SLC24A2: variants seen among roughly 807,000 people sequenced by gnomAD.
The protein encoded by SLC24A2 is solute carrier family 24 member 2.
In SLC24A2, 36 loss-of-function variants were observed where a neutral mutation model predicts 62.0. The ratio of observed to expected loss-of-function variants is 0.58; its 90% CI spans 0.44 to 0.77. The LOEUF is 0.77. Ranked by LOEUF, SLC24A2 falls within the 30% of genes least tolerant of loss-of-function variation. The pLI is 0.00. For missense variants in SLC24A2, 846 were observed against 817.9 expected, an observed-to-expected ratio of 1.03 and a Z score of -0.42; for synonymous variants, 358 against 294.0, an observed-to-expected ratio of 1.22 and a Z score of -2.23.
chr9:20,248,142 G>C, the SLC24A2 span, among the ~76,000 whole-genome samples: 1 of 152,164 alleles, frequency 6.6e-6, no homozygotes, highest in African/African-American at 2.4e-5. Context: ...TCTGATTCCT[G>C]AGTTGGAATG....
chr9:19,740,503 T>C (rs532124703), intron 2 of SLC24A2, among the ~76,000 whole-genome samples: 1 of 152,286 alleles, frequency 6.6e-6, no homozygotes, highest in South Asian at 2.1e-4. Flanking sequence ...AATCCACATA[T>C]GCAAAGTTCA....
the SLC24A2 span, among the ~76,000 whole-genome samples, chr9:20,219,921 A>C: frequency 1.3e-5 from 2 of 152,198 alleles, no homozygotes; most frequent in Non-Finnish European, 1.5e-5. Flanking sequence ...GCACTATACT[A>C]TACACAATTC....
chr9:20,055,924 A>T, the SLC24A2 span, among the ~76,000 whole-genome samples: 1 of 152,020 alleles, frequency 6.6e-6, no homozygotes, highest in Non-Finnish European at 1.5e-5. Context: ...ATAAATAGAC[A>T]TACCAGCTCC....
chr9:19,600,067 C>T (rs996508066), intron 4 of SLC24A2, among the ~76,000 whole-genome samples: 2 of 152,164 alleles, frequency 1.3e-5, no homozygotes, highest in Admixed American at 6.5e-5. Context: ...CAAGAGGCAG[C>T]TAGGATTGGA....
At chr9:20,167,753 C>A in the SLC24A2 span, among the ~76,000 whole-genome samples, 21 of 151,982 alleles carry the variant, frequency 1.4e-4, no homozygotes, top group African/African-American at 3.9e-4. Context: ...TGGGTCTCAC[C>A]TTTTCACTCA....
chr9:19,635,713 T>C (rs1818293944), intron 2 of SLC24A2, among the ~76,000 whole-genome samples: 1 of 152,222 alleles, frequency 6.6e-6, no homozygotes, highest in South Asian at 2.1e-4. Context: ...ATAGCCAGAG[T>C]TCCACCATTA....
intron 2 of SLC24A2, among the ~76,000 whole-genome samples, chr9:19,766,910 G>A (rs186819468): frequency 2.5e-3 from 382 of 152,250 alleles, no homozygotes; most frequent in Non-Finnish European, 4.2e-3. Flanking sequence ...CCTTCCCCCA[G>A]GTGCTCTGCC....
At chr9:19,889,190 T>C in the SLC24A2 span, among the ~76,000 whole-genome samples, 1 of 152,146 alleles carries the variant, frequency 6.6e-6, no homozygotes, top group Admixed American at 6.5e-5. Flanking sequence ...CCAACCTGGA[T>C]TTACACTGGG....
intron 2 of SLC24A2, among the ~76,000 whole-genome samples, chr9:19,664,344 G>GA (rs1439898461): frequency 6.6e-6 from 1 of 152,168 alleles, no homozygotes; most frequent in Non-Finnish European, 1.5e-5. Context: ...AATTTTTAAA[G>GA]AAAAAAGTCT....
chr9:19,562,332 T>C (rs1835445408), intron 7 of SLC24A2, among the ~76,000 whole-genome samples: 1 of 152,208 alleles, frequency 6.6e-6, no homozygotes, highest in Non-Finnish European at 1.5e-5. Flanking sequence ...AGAGTGGTAA[T>C]GGAGTTTTTT....
the SLC24A2 span, among the ~76,000 whole-genome samples, chr9:19,936,249 T>C: frequency 6.6e-6 from 1 of 152,298 alleles, no homozygotes; most frequent in Non-Finnish European, 1.5e-5. Context: ...CTTCTTGAAT[T>C]TGTGTTGTTA....
chr9:20,095,657 C>T, the SLC24A2 span, among the ~76,000 whole-genome samples: 4 of 152,018 alleles, frequency 2.6e-5, no homozygotes, highest in African/African-American at 9.7e-5. Flanking sequence ...CCCATTTCCA[C>T]AACTGTGTGA....
chr9:20,284,916 C>G, the SLC24A2 span, among the ~76,000 whole-genome samples: 1 of 152,194 alleles, frequency 6.6e-6, no homozygotes, highest in Non-Finnish European at 1.5e-5. Flanking sequence ...ATTTTAAGGA[C>G]ATAAAAGCTA....
upstream of SLC24A2, among the ~76,000 whole-genome samples, chr9:19,792,623 A>G: frequency 6.6e-6 from 1 of 151,176 alleles, no homozygotes; most frequent in South Asian, 2.1e-4. Context: ...TAGGAGAATC[A>G]CTTGAACCTG....
At chr9:20,106,842 T>C in the SLC24A2 span, among the ~76,000 whole-genome samples, 24 of 152,118 alleles carry the variant, frequency 1.6e-4, no homozygotes, top group African/African-American at 5.8e-4. Context: ...TTGGAAGTTC[T>C]GGCCAGGGCA....
At chr9:19,994,706 T>C in the SLC24A2 span, among the ~76,000 whole-genome samples, 1 of 152,168 alleles carries the variant, frequency 6.6e-6, no homozygotes, top group Non-Finnish European at 1.5e-5. Flanking sequence ...GGATCGGACA[T>C]GGGCTGCCAT....
the SLC24A2 span, among the ~76,000 whole-genome samples, chr9:20,237,350 A>G: frequency 1.3e-5 from 2 of 152,208 alleles, no homozygotes; most frequent in Admixed American, 6.5e-5. Flanking sequence ...AAAAAGAAAC[A>G]GGCTGGAAAA....
chr9:20,288,359 A>T, the SLC24A2 span, among the ~76,000 whole-genome samples: 2 of 152,180 alleles, frequency 1.3e-5, no homozygotes, highest in East Asian at 3.9e-4. Context: ...CACTCCTCCT[A>T]CCAAGAAGTA....
chr9:19,528,514 C>T (rs1380546345), intron 8 of SLC24A2, among the ~76,000 whole-genome samples: 2 of 152,058 alleles, frequency 1.3e-5, no homozygotes, highest in Non-Finnish European at 2.9e-5. Flanking sequence ...TTCTTTTGCT[C>T]CAGAGTTTGT....
Sources: allele counts gnomAD v4.1 joint callset (sites outside exome capture counted in the v4.1 genomes callset), GRCh38; gene constraint gnomAD v4.1.1; transcripts MANE v1.5; gene names NCBI Gene and HGNC (gene_info 2026-07-23, HGNC 2026-07-21).